Variants in GNA11 observed in about 807,000 individuals in gnomAD.
GNA11 encodes guanine nucleotide-binding protein subunit alpha-11.
A neutral mutation model predicts 38.2 loss-of-function variants in GNA11; 8 were observed. The ratio of observed to expected loss-of-function variants is 0.21; its 90% CI spans 0.12 to 0.38. The LOEUF (loss-of-function observed/expected upper bound fraction) is 0.38, where lower values mean the gene tolerates loss of function less well. GNA11 is among the 10% of genes least tolerant of loss of function. The pLI, the probability that GNA11 is intolerant of heterozygous loss-of-function variation, is 1.00. For missense variants in GNA11, 268 were observed against 516.3 expected (o/e 0.52, Z 4.66); for synonymous variants, 211 against 221.4 (o/e 0.95, Z 0.42).
chr19:3,102,108 A>G (rs2145307765), intron 1 of GNA11, among the ~76,000 whole-genome samples: 1 of 151,576 alleles, frequency 6.6e-6, no homozygotes, highest in East Asian at 1.9e-4. Flanking sequence ...AAAAACAAAC[A>G]AACAAACAAA....
intron 1 of GNA11, among the ~76,000 whole-genome samples, chr19:3,106,978 T>C (rs1913655183): frequency 6.6e-6 from 1 of 152,366 alleles, no homozygotes; most frequent in Non-Finnish European, 1.5e-5. Flanking sequence ...GGCTCACGCC[T>C]GTAATCCCAG....
rs1011882157 is a variant in GNA11 at position 3,113,217 on chromosome 19, C to A, written c.322-113C>A. On this transcript the variant is annotated intron_variant, in intron 2 of 6. Coordinates refer to ENST00000078429, the MANE Select transcript of GNA11 (RefSeq NM_002067.5). ...ACTGTCAGTGGTCCTGACTGCACAG[C>A]CTGCGGAATGCCGCCCGGGCCAGCC... 2.2e-5 allele frequency: 21 copies of A among 963,184 alleles called. No homozygotes were observed. In the Middle Eastern group the frequency reaches 9.5e-4, roughly 44 times the overall value. 59.7% of individuals were successfully genotyped at this position (963,184 alleles called of 1,614,324 possible).
chr19:3,096,963 C>T (rs1913386412), intron 1 of GNA11, among the ~76,000 whole-genome samples: 3 of 152,278 alleles, frequency 2.0e-5, no homozygotes, highest in South Asian at 2.1e-4. Flanking sequence ...GAAAACTTCC[C>T]GTCCAAGCAA....
chr19:3,110,501 G>A lies in GNA11; in HGVS notation c.321+168G>A, dbSNP rs1913748034. On this transcript the variant is annotated intron_variant, in intron 2 of 6. Transcript: ENST00000078429. This position sits in a 1 kb window ranked among gnomAD's most constrained non-coding sequence, Gnocchi z 5.4. ...CATGGACATGGAAACAGCAACCGCT[G>A]ACTTCCTGGGGGCCAACTGGAGAGT... 6.6e-6 allele frequency among the ~76,000 whole-genome samples: 1 copy of A among 152,208 alleles called. No homozygotes were observed. Among genetic ancestry groups the A allele is most frequent in the African/African-American group, 2.4e-5 (1 of 41,456 alleles).
chr19:3,097,979 G>GA lies in GNA11; in HGVS notation c.136+3193dup, dbSNP rs199732755. On this transcript the variant is annotated intron_variant, in intron 1 of 6. Coordinates refer to ENST00000078429, the MANE Select transcript of GNA11 (RefSeq NM_002067.5). Reference sequence around the variant, plus strand: ...TGGGGGGCACGTTGCCCCCATTTGAGACCCTTTACTGTGTGGTAGCGTACA... The same window carrying GA: ...TGGGGGGCACGTTGCCCCCATTTGAGAACCCTTTACTGTGTGGTAGCGTACA... Among the ~76,000 whole-genome samples the GA allele has an allele frequency of 6.3e-3, 957 of 152,346 alleles. 6 individuals carry two copies. Among genetic ancestry groups the GA allele is most frequent in the Non-Finnish European group, 8.4e-3 (570 of 68,034 alleles).
At chr19:3,096,261 C>T (rs1434380784) in intron 1 of GNA11, among the ~76,000 whole-genome samples, 1 of 126,052 alleles carries the variant, frequency 7.9e-6, no homozygotes, top group African/African-American at 3.1e-5. Context: ...CCTAAGGGTT[C>T]TAAAATGGGC....
chr19:3,105,933 C>T lies in GNA11; in HGVS notation c.137-4216C>T, dbSNP rs78555770. On this transcript the variant is annotated intron_variant, in intron 1 of 6. Coordinates refer to ENST00000078429, the MANE Select transcript of GNA11 (RefSeq NM_002067.5). Reference sequence around the variant, plus strand: ...CCGGGAGATGAGGGCCGGCAAGGGGCTGTGGACGAGTCCAGAGTGAGGCGG... The same window carrying T: ...CCGGGAGATGAGGGCCGGCAAGGGGTTGTGGACGAGTCCAGAGTGAGGCGG... Among the ~76,000 whole-genome samples, 6 of 152,172 alleles carry T rather than the reference C, an allele frequency of 3.9e-5. No homozygotes were observed. In the East Asian group the frequency reaches 1.2e-3, roughly 29 times the overall value.
intron 1 of GNA11, among the ~76,000 whole-genome samples, chr19:3,098,444 G>A (rs1418645685): frequency 6.6e-6 from 1 of 152,194 alleles, no homozygotes; most frequent in Non-Finnish European, 1.5e-5. Flanking sequence ...CGTCTCACTG[G>A]TAAACTGTGG....
Position 3,123,369 on chromosome 19 carries a change from A to G in GNA11, c.*2190A>G, listed in dbSNP as rs1396562481. ...CTGATCCCCTGCCCCCCAAAAAAGC[A>G]GAGGTAGGTGTTGCAGGCCCAGGGC... On this transcript the variant is annotated 3_prime_UTR_variant, in exon 7 of 7. Transcript: ENST00000078429. 3 of 233,298 alleles carry G rather than the reference A, an allele frequency of 1.3e-5. No homozygotes were observed. Among genetic ancestry groups the G allele is most frequent in the East Asian group, 6.0e-5 (1 of 16,596 alleles). 14.5% of individuals were successfully genotyped at this position (233,298 alleles called of 1,614,324 possible).
At chr19:3,114,179 G>T (rs72975294) in intron 3 of GNA11, among the ~76,000 whole-genome samples, 3,802 of 152,252 alleles carry the variant, frequency 0.025, 67 homozygotes, top group Admixed American at 0.03. Flanking sequence ...TTGTGGGAGG[G>T]CCCAGATAAC....
At chr19:3,099,785 C>CT (rs1913458148) in intron 1 of GNA11, among the ~76,000 whole-genome samples, 1 of 152,220 alleles carries the variant, frequency 6.6e-6, no homozygotes, top group African/African-American at 2.4e-5. Flanking sequence ...CCGACAGGCG[C>CT]TTTCAGGACA....
rs1914108741 is a variant in GNA11 at position 3,122,543 on chromosome 19, C to T, written c.*1364C>T. The T allele has an allele frequency of 8.6e-6, 2 of 232,714 alleles. No homozygotes were observed. Among genetic ancestry groups the T allele is most frequent in the East Asian group, 6.0e-5 (1 of 16,550 alleles). The allele number at this position is 232,714 out of a possible 1,614,324, so 14.4% of individuals were successfully genotyped here. ...CGAGACTGGTTCTCCCCGAGAGACT[C>T]GGAAGGTGGGGAACGAGGGGACTGT... On this transcript the variant is annotated 3_prime_UTR_variant, in exon 7 of 7. Transcript: ENST00000078429. This position sits in a 1 kb window ranked among gnomAD's most constrained non-coding sequence, Gnocchi z 7.7.
chr19:3,121,263 TGCCGAGTCCGG>T lies in GNA11; in HGVS notation c.*89_*99del. 1 of 1,072,662 alleles carries T rather than the reference TGCCGAGTCCGG, an allele frequency of 9.3e-7. No homozygotes were observed. The highest frequency in any genetic ancestry group is 1.4e-6 in the Non-Finnish European group (1 of 732,952). 66.4% of individuals were successfully genotyped at this position (1,072,662 alleles called of 1,614,324 possible). ...CCTGCGGCTGCCGGGCGGGTGGCGCTGCCGAGTCCGGGCCGGGGCCTCTGCCCGCGGGAGGA... is the reference window on the plus strand; with the variant it reads ...CCTGCGGCTGCCGGGCGGGTGGCGCTGCCGGGGCCTCTGCCCGCGGGAGGA... On this transcript the variant is annotated 3_prime_UTR_variant, in exon 7 of 7. Transcript: ENST00000078429.
At position 3,123,230 on chromosome 19, in the gene GNA11, G is replaced by T; in HGVS notation, c.*2051G>T. On this transcript the variant is annotated 3_prime_UTR_variant, in exon 7 of 7. Coordinates refer to ENST00000078429, the MANE Select transcript of GNA11 (RefSeq NM_002067.5). ...GGTGGAGTCGCCCAGCACGCAGGCC[G>T]GGGCGCTGCGGGGCTAAGTATTAGG... 4.3e-6 allele frequency: 1 copy of T among 233,352 alleles called. No homozygotes were observed. The highest frequency in any genetic ancestry group is 8.5e-6 in the Non-Finnish European group (1 of 118,096). The allele number at this position is 233,352 out of a possible 1,614,324, so 14.5% of individuals were successfully genotyped here. A position where few individuals can be genotyped will look rare whatever the true frequency, so the allele number is the denominator to read the frequency against.
chr19:3,101,844 A>G (rs1352725304), intron 1 of GNA11, among the ~76,000 whole-genome samples: 1 of 152,210 alleles, frequency 6.6e-6, no homozygotes, highest in Non-Finnish European at 1.5e-5. Flanking sequence ...CTGTAATCCA[A>G]GTACTTTGAG....
intron 1 of GNA11, among the ~76,000 whole-genome samples, chr19:3,109,685 G>A (rs942959376): frequency 7.2e-5 from 11 of 152,194 alleles, no homozygotes; most frequent in African/African-American, 1.4e-4. Context: ...CCTTGGGGTG[G>A]TCTGTGCAGA....
rs936822564 is a variant in GNA11, at chr19:3,123,931, A to T, written c.*2752A>T. ...TGACCCTTAATCCAGACACCGATGG[A>T]AGTCGACTTTTCATATCTTTCTCCT... On this transcript the variant is annotated 3_prime_UTR_variant, in exon 7 of 7. Transcript: ENST00000078429. The T allele has an allele frequency of 4.3e-6, 1 of 231,340 alleles. No individual in the cohort carries two copies. Among genetic ancestry groups the T allele is most frequent in the Non-Finnish European group, 8.6e-6 (1 of 116,942 alleles). The allele number at this position is 231,340 out of a possible 1,614,324, so 14.3% of individuals were successfully genotyped here.
chr19:3,118,159 G>A (rs983119536), intron 4 of GNA11: 2 of 152,252 alleles, frequency 1.3e-5, no homozygotes, highest in Non-Finnish European at 2.9e-5. Flanking sequence ...CAGGGACCCC[G>A]GCCTTCCCTG....
At chr19:3,103,325 G>A (rs2145308889) in intron 1 of GNA11, among the ~76,000 whole-genome samples, 1 of 151,874 alleles carries the variant, frequency 6.6e-6, no homozygotes, top group East Asian at 1.9e-4. Context: ...TGATTCTCCT[G>A]CCTCAGCCTC....
Sources: gnomAD v4.1 joint callset for allele counts (sites outside exome capture counted in the v4.1 genomes callset) on GRCh38, gnomAD v4.1.1 for gene constraint, Gnocchi (gnomAD v3.1) non-coding constraint, MANE v1.5 for transcripts, NCBI Gene and HGNC (gene_info 2026-07-23, HGNC 2026-07-21) for gene names.